CNGB3: variants seen among roughly 807,000 people sequenced by gnomAD.
CNGB3 encodes the protein cyclic nucleotide-gated channel beta-3.
A neutral mutation model predicts 92.8 loss-of-function variants in CNGB3; 86 were observed. That is an observed-to-expected ratio of 0.93 (90% CI 0.78 to 1.11). The LOEUF is 1.11. Among genes scored for constraint, CNGB3 ranks in the 50% least tolerant of loss-of-function variants. The pLI is 0.00. For synonymous variants in CNGB3, 333 were observed against 332.7 expected (o/e 1.00, Z -0.01); for missense variants, 1,026 against 956.8 (o/e 1.07, Z -0.95).
In CNGB3 at chr8:86,743,538, G is replaced by A. The variant is rs371664722; in HGVS notation, c.90C>T (p.Gly30=). ...NEQSSRRNEE[G]SHPSNQSQQT... ...GCTGAGACTGATTACTTGGGTGAGA[G>A]CCTTCTTCATTCCGACGAGAACTTT... Residue 30 remains glycine (G), a synonymous_variant, in exon 1 of 18, where the codon GGC becomes GGT. Transcript: ENST00000320005. 3.1e-6 allele frequency: 5 copies of A among 1,613,854 alleles called. No individual in the cohort carries two copies. Among genetic ancestry groups the A allele is most frequent in the Non-Finnish European group, 4.2e-6 (5 of 1,179,896 alleles).
chr8:86,617,508 A>G (rs1391751447), intron 13 of CNGB3, among the ~76,000 whole-genome samples: 1 of 152,212 alleles, frequency 6.6e-6, no homozygotes, highest in Non-Finnish European at 1.5e-5. Context: ...TCAGTTCTTC[A>G]TGCCATTGAC....
At chr8:86,593,357 G>A (rs1342376478) in intron 15 of CNGB3, among the ~76,000 whole-genome samples, 1 of 152,082 alleles carries the variant, frequency 6.6e-6, no homozygotes, top group Non-Finnish European at 1.5e-5. Flanking sequence ...ATGGTACTTT[G>A]GCTGGAAAAT....
chr8:86,674,969 T>C lies in CNGB3; in HGVS notation c.339-3871A>G, dbSNP rs537787907. ...GTTGTTGTTGTTGTTGTTGTTGTTG[T>C]TGTTGTTGAGACAGGGTCTTGCTCT... On this transcript the variant is annotated intron_variant, in intron 3 of 17. Coordinates refer to ENST00000320005, the MANE Select transcript of CNGB3 (RefSeq NM_019098.5). 5.9e-3 allele frequency among the ~76,000 whole-genome samples: 770 copies of C among 131,586 alleles called. 10 individuals are homozygous for C. Among genetic ancestry groups the C allele is most frequent in the African/African-American group, 0.019 (736 of 39,204 alleles). 86.3% of individuals were successfully genotyped at this position (131,586 alleles called of 152,430 possible). A position where few individuals can be genotyped will look rare whatever the true frequency, so the allele number is the denominator to read the frequency against.
intron 13 of CNGB3, among the ~76,000 whole-genome samples, chr8:86,622,436 T>C (rs1190420154): frequency 2.0e-5 from 3 of 151,672 alleles, no homozygotes; most frequent in Non-Finnish European, 4.4e-5. Context: ...ATACAGATCT[T>C]AAGGGACAGT....
chr8:86,625,902 A>T, intron 13 of CNGB3, 81 bp downstream of exon 13: 1 of 1,150,880 alleles, frequency 8.7e-7, no homozygotes, highest in Non-Finnish European at 1.3e-6. Context: ...AGGCAAAAAA[A>T]CTCATAAATG....
At chr8:86,712,755 ATT>A (rs10586111) in intron 3 of CNGB3, among the ~76,000 whole-genome samples, 49,087 of 134,424 alleles carry the variant, frequency 0.37, 9,259 homozygotes, top group African/African-American at 0.5. Flanking sequence ...TCCTGGCTTA[ATT>A]TTTTTTTTTT....
In CNGB3 at chr8:86,726,634, A is replaced by G. The variant is rs569899068; in HGVS notation, c.235T>C (p.Ser79Pro). Residue 79 changes from serine (S) to proline (P), a missense_variant, in exon 3 of 18, where the codon TCT becomes CCT. Physicochemically the swap from Ser to Pro is moderately conservative, Grantham distance 74. Transcript: ENST00000320005. ...TCAGGGTTTGTGGTCAGATCTCCAG[A>G]GGAATTTTTCTTGGAGAGTTTGTCT... ...IQDKLSKKNS[S>P]GDLTTNPDPQ... The G allele has an allele frequency of 2.5e-6, 4 of 1,613,752 alleles. No individual in the cohort carries two copies. In the South Asian group the frequency reaches 4.4e-5, roughly 18 times the overall value.
At chr8:86,604,036 A>G in intron 15 of CNGB3, 57 bp downstream of exon 15, 1 of 1,142,736 alleles carries the variant, frequency 8.8e-7, no homozygotes, top group Admixed American at 1.7e-5. Context: ...ACTACCTAAG[A>G]CTTTTCTTTT....
At chr8:86,734,941 G>C (rs377012117) in intron 2 of CNGB3, among the ~76,000 whole-genome samples, 1 of 150,510 alleles carries the variant, frequency 6.6e-6, no homozygotes, top group East Asian at 2.0e-4. Context: ...TTATACATGA[G>C]CAAAATGACA....
rs183366304 is a variant in CNGB3 at position 86,694,745 on chromosome 8, G to A, written c.339-23647C>T. ...CTCCTCACTTCCTAGATGGGATGGC[G>A]GCGGGGAAGAGGCGCTCCTCACTTC... On this transcript the variant is annotated intron_variant, in intron 3 of 17. Coordinates refer to ENST00000320005, the MANE Select transcript of CNGB3 (RefSeq NM_019098.5). 2.8e-4 allele frequency among the ~76,000 whole-genome samples: 43 copies of A among 151,784 alleles called. No homozygotes were observed. The East Asian group carries it at 7.2e-3, about 25-fold the overall frequency.
intron 6 of CNGB3, among the ~76,000 whole-genome samples, chr8:86,655,242 C>A (rs1823482002): frequency 6.6e-6 from 1 of 152,188 alleles, no homozygotes. Context: ...TCCCCTTGAT[C>A]CATTCTACAG....
chr8:86,683,572 C>A (rs535358626), intron 3 of CNGB3, among the ~76,000 whole-genome samples: 1 of 152,218 alleles, frequency 6.6e-6, no homozygotes, highest in South Asian at 2.1e-4. Flanking sequence ...AATAACTTTT[C>A]TTTTTTAAGG....
At position 86,633,970 on chromosome 8, in the gene CNGB3, T is replaced by C. The variant is rs138178224; in HGVS notation, c.1179-1077A>G. 5.3e-3 allele frequency among the ~76,000 whole-genome samples: 805 copies of C among 152,256 alleles called. 7 individuals carry two copies. Among genetic ancestry groups the C allele is most frequent in the African/African-American group, 0.019 (785 of 41,556 alleles). ...GGGCAACTGATCTAGAAATTTGGTATTGAAGAAAATCAAGTATGCTCAGAA... is the reference window on the plus strand; with the variant it reads ...GGGCAACTGATCTAGAAATTTGGTACTGAAGAAAATCAAGTATGCTCAGAA... On this transcript the variant is annotated intron_variant, in intron 10 of 17. Coordinates refer to ENST00000320005, the MANE Select transcript of CNGB3 (RefSeq NM_019098.5).
intron 3 of CNGB3, among the ~76,000 whole-genome samples, chr8:86,681,635 G>A (rs565885259): frequency 3.3e-5 from 5 of 152,194 alleles, no homozygotes; most frequent in African/African-American, 9.6e-5. Flanking sequence ...TGAGTGAAAT[G>A]AATAAGAGAA....
intron 7 of CNGB3, among the ~76,000 whole-genome samples, chr8:86,652,965 G>A (rs1035914152): frequency 1.3e-5 from 2 of 151,952 alleles, no homozygotes; most frequent in East Asian, 1.9e-4. Flanking sequence ...TATATGACTG[G>A]CAGCCCAGTA....
chr8:86,633,420 G>C (rs66509922), intron 10 of CNGB3, among the ~76,000 whole-genome samples: 12,095 of 152,204 alleles, frequency 0.079, 539 homozygotes, highest in African/African-American at 0.11. Flanking sequence ...GAACAGTAGA[G>C]GGTGGCTGGG....
intron 3 of CNGB3, among the ~76,000 whole-genome samples, chr8:86,723,041 C>T (rs991746481): frequency 6.6e-6 from 1 of 152,090 alleles, no homozygotes; most frequent in Non-Finnish European, 1.5e-5. Context: ...CTAACTGATA[C>T]AGATGGTAAT....
chr8:86,735,265 C>T (rs1825230817), intron 2 of CNGB3, among the ~76,000 whole-genome samples: 1 of 149,820 alleles, frequency 6.7e-6, no homozygotes. Flanking sequence ...GCCTCAGCCT[C>T]CCGAGTAGCT....
Position 86,575,815 on chromosome 8 carries a change from C to A in CNGB3, c.2419G>T (p.Ala807Ser), listed in dbSNP as rs375288585. ...EVLTIEVKEK[A>S]KQ Reference sequence around the variant, plus strand: ...AGATAATCAAACATTTATTGCTTAGCCTTTTCTTTGACTTCAATAGTAAGA... The same window carrying A: ...AGATAATCAAACATTTATTGCTTAGACTTTTCTTTGACTTCAATAGTAAGA... Residue 807 changes from alanine to serine, a missense_variant, in exon 18 of 18, where the codon GCT becomes TCT. By Grantham distance (99) the Ala-to-Ser change is moderately conservative. Coordinates refer to ENST00000320005, the MANE Select transcript of CNGB3 (RefSeq NM_019098.5). 1 of 1,613,668 alleles carries A rather than the reference C, an allele frequency of 6.2e-7. No individual in the cohort carries two copies.
Sources: gnomAD v4.1 joint callset for allele counts (sites outside exome capture counted in the v4.1 genomes callset) on GRCh38, gnomAD v4.1.1 for gene constraint, MANE v1.5 for transcripts, NCBI Gene and HGNC (gene_info 2026-07-23, HGNC 2026-07-21) for gene names.